SGTB: variants seen among roughly 807,000 people sequenced by gnomAD.
The protein encoded by SGTB is small glutamine-rich tetratricopeptide repeat-containing protein beta.
SGTB carries 19 observed loss-of-function variants against 43.9 expected under a neutral mutation model. That is an observed-to-expected ratio of 0.43 (90% CI 0.30 to 0.63). The LOEUF is 0.63. Ranked by LOEUF, SGTB falls within the 30% of genes least tolerant of loss-of-function variation. The pLI, the probability that SGTB is intolerant of heterozygous loss-of-function variation, is 0.12. For missense variants in SGTB, 304 were observed against 358.9 expected (o/e 0.85, Z 1.24); for synonymous variants, 116 against 117.3 (o/e 0.99, Z 0.07).
chr5:65,718,982 C>T (rs1389448864), intron 2 of SGTB, among the ~76,000 whole-genome samples: 1 of 152,184 alleles, frequency 6.6e-6, no homozygotes, highest in Non-Finnish European at 1.5e-5. Context: ...AACTAACATT[C>T]TCCTTAGATA....
Position 65,720,798 on chromosome 5 carries a change from T to G in SGTB, c.10A>C (p.Ile4Leu). 1.9e-6 allele frequency: 3 copies of G among 1,613,150 alleles called. No individual in the cohort carries two copies. The South Asian group carries it at 3.3e-5, about 18-fold the overall frequency. The change falls in exon 2 of 11, where the codon ATC becomes CTC. Residue 4 changes from isoleucine to leucine, a missense_variant. Transcript: ENST00000381007. Reference protein sequence around the residue: MSSIKHLVYAVIRF... With the variant: MSSLKHLVYAVIRF... ...ATAACTGCATAAACCAGGTGCTTGA[T>G]AGATGACATTTTAGAAGCTTAAACA...
intron 3 of SGTB, among the ~76,000 whole-genome samples, chr5:65,710,316 T>G (rs556809362): frequency 6.6e-6 from 1 of 152,158 alleles, no homozygotes; most frequent in East Asian, 1.9e-4. Flanking sequence ...AAATAGCATA[T>G]TAAAAAATAG....
At position 65,666,727 on chromosome 5, in the gene SGTB, C is replaced by CAGAT. The variant is rs1328479126; in HGVS notation, c.*3515_*3518dup. The CAGAT allele has an allele frequency of 3.9e-5, 6 of 151,996 alleles. No individual in the cohort carries two copies. The highest frequency in any genetic ancestry group is 6.6e-5 in the Admixed American group (1 of 15,264). The allele number at this position is 151,996 out of a possible 1,614,324, so 9.4% of individuals were successfully genotyped here. A position where few individuals can be genotyped will look rare whatever the true frequency, so the allele number is the denominator to read the frequency against. On this transcript the variant is annotated 3_prime_UTR_variant, in exon 11 of 11. Coordinates refer to ENST00000381007, the MANE Select transcript of SGTB (RefSeq NM_019072.3). ...TAGAATGGAAATGTAGGCAAGTGGA[C>CAGAT]AGATAGCATCTAGATTGAATTTGTT... is the stretch of plus-strand genomic sequence containing the variant.
At chr5:65,713,848 C>T (rs912322157) in intron 2 of SGTB, among the ~76,000 whole-genome samples, 1 of 151,726 alleles carries the variant, frequency 6.6e-6, no homozygotes, top group Admixed American at 6.6e-5. Context: ...GGTAACATGG[C>T]GAAACCCCAT....
chr5:65,717,696 T>C (rs1054990700), intron 2 of SGTB, among the ~76,000 whole-genome samples: 6 of 152,186 alleles, frequency 3.9e-5, no homozygotes, highest in African/African-American at 1.4e-4. Context: ...AGTGTTAAAA[T>C]GGTCATCTAG....
At chr5:65,680,584 G>T in intron 7 of SGTB, 28 bp from the exon 8 acceptor site, 1 of 1,613,896 alleles carries the variant, frequency 6.2e-7, no homozygotes, top group Non-Finnish European at 8.5e-7. Flanking sequence ...CTGAGAATCA[G>T]TCCAGTATCT....
chr5:65,713,384 C>T (rs1258135597), intron 2 of SGTB, among the ~76,000 whole-genome samples: 3 of 151,910 alleles, frequency 2.0e-5, no homozygotes, highest in Non-Finnish European at 4.4e-5. Context: ...TGCAGTGGCA[C>T]AATTATAGCT....
At chr5:65,717,843 G>A (rs945459502) in intron 2 of SGTB, among the ~76,000 whole-genome samples, 5 of 152,090 alleles carry the variant, frequency 3.3e-5, no homozygotes, top group African/African-American at 4.8e-5. Flanking sequence ...ATTTATTTAC[G>A]GCTACATGAG....
intron 2 of SGTB, among the ~76,000 whole-genome samples, chr5:65,720,081 CTTTTTTTTTTTT>C: frequency 1.6e-5 from 2 of 124,972 alleles, no homozygotes; most frequent in South Asian, 5.2e-4. Flanking sequence ...TTTTCTTTTT[CTTTTTTTTTTTT>C]TTTTTTTGAG....
chr5:65,683,932 C>A (rs149434550), intron 6 of SGTB, among the ~76,000 whole-genome samples: 84 of 145,924 alleles, frequency 5.8e-4, no homozygotes, highest in African/African-American at 1.9e-3. Context: ...GGTGACAGAG[C>A]GAGACTCTGT....
At chr5:65,674,715 G>A (rs139467687) in intron 8 of SGTB, among the ~76,000 whole-genome samples, 1 of 152,006 alleles carries the variant, frequency 6.6e-6, no homozygotes, top group African/African-American at 2.4e-5. Flanking sequence ...ACCTTATTTT[G>A]GTACATAGCA....
intron 4 of SGTB, 144 bp from the exon 5 acceptor site, chr5:65,704,522 T>A (rs557415510): frequency 1.9e-6 from 1 of 516,874 alleles, no homozygotes; most frequent in East Asian, 3.3e-5. Flanking sequence ...AAATTTTACA[T>A]TGTACTATAG....
chr5:65,683,124 G>A (rs181152888), intron 6 of SGTB, among the ~76,000 whole-genome samples: 1 of 151,662 alleles, frequency 6.6e-6, no homozygotes, highest in South Asian at 2.1e-4. Flanking sequence ...GCACATTACA[G>A]TCCTCTTGCA....
chr5:65,702,052 A>T (rs1378872565), intron 5 of SGTB, among the ~76,000 whole-genome samples: 14 of 152,342 alleles, frequency 9.2e-5, no homozygotes, highest in African/African-American at 4.8e-5. Context: ...CAGTACAGAT[A>T]TAGAACATTT....
rs575345154 is a variant in SGTB at position 65,713,554 on chromosome 5, G to A, written c.101-490C>T. ...GCTGGTCTCAAACTCCTGGGCTCAA[G>A]TGATCCTCCTACCTCGGCCTCCCAA... is the stretch of plus-strand genomic sequence containing the variant. On this transcript the variant is annotated intron_variant, in intron 2 of 10. Transcript: ENST00000381007. Among the ~76,000 whole-genome samples, 3 of 152,242 alleles carry A rather than the reference G, an allele frequency of 2.0e-5. No individual in the cohort carries two copies. In the South Asian group the frequency reaches 6.2e-4, roughly 32 times the overall value.
chr5:65,709,610 C>T (rs1758006469), intron 3 of SGTB, among the ~76,000 whole-genome samples: 1 of 152,130 alleles, frequency 6.6e-6, no homozygotes, highest in Non-Finnish European at 1.5e-5. Flanking sequence ...ATCTCTTGAC[C>T]TCGTGATCCA....
At chr5:65,685,154 G>A (rs918140144) in intron 6 of SGTB, among the ~76,000 whole-genome samples, 2 of 152,152 alleles carry the variant, frequency 1.3e-5, no homozygotes, top group Non-Finnish European at 2.9e-5. Flanking sequence ...GAGATTTGTG[G>A]TACGGTTATA....
chr5:65,720,895 T>C, intron 1 of SGTB, 66 bp from the exon 2 acceptor site: 1 of 1,507,796 alleles, frequency 6.6e-7, no homozygotes, highest in Non-Finnish European at 8.9e-7. Context: ...AAGTCATAAA[T>C]TACAAAGATG....
chr5:65,680,774 T>C lies in SGTB; in HGVS notation c.500A>G (p.Asn167Ser), dbSNP rs138076856. 1 of 1,613,634 alleles carries C rather than the reference T, an allele frequency of 6.2e-7. No homozygotes were observed. Among genetic ancestry groups the C allele is most frequent in the African/African-American group, 1.3e-5 (1 of 75,042 alleles). Residue 167 changes from asparagine (N) to serine (S), a missense_variant, in exon 7 of 11, where the codon AAT becomes AGT. Transcript: ENST00000381007. ...ACTTGTAACTGCTTCTTCAAATTTA[T>C]TCAAGGCAGTGAGGGCCAGCCTGAA... The part of the protein sequence containing the change: ...GRMGLALTAL[N>S]KFEEAVTSYQ...
Sources: gnomAD v4.1 joint callset for allele counts (sites outside exome capture counted in the v4.1 genomes callset) on GRCh38, gnomAD v4.1.1 for gene constraint, MANE v1.5 for transcripts, NCBI Gene and HGNC (gene_info 2026-07-23, HGNC 2026-07-21) for gene names.